The following WDPCP variants were observed in gnomAD, a reference collection of about 807,000 sequenced individuals.
WDPCP encodes the protein WD repeat-containing and planar cell polarity effector protein fritz homolog.
Under a neutral mutation model 93.1 loss-of-function variants are expected in WDPCP, and 71 were observed. The ratio of observed to expected loss-of-function variants is 0.76; its 90% confidence interval spans 0.63 to 0.93. WDPCP has a LOEUF of 0.93. Among genes scored for constraint, WDPCP ranks in the 40% least tolerant of loss-of-function variants. The pLI is 0.00. For synonymous variants in WDPCP, 315 were observed against 315.0 expected (o/e 1.00, Z 0.00); for missense variants, 844 against 887.4 (o/e 0.95, Z 0.62).
At chr2:63,703,565 G>GGTTTT (rs58378137) in intron 2 of WDPCP, among the ~76,000 whole-genome samples, 12,377 of 151,066 alleles carry the variant, frequency 0.082, 817 homozygotes, top group African/African-American at 0.18. Flanking sequence ...TTTTTGATGG[G>GGTTTT]GTTTTGTTTT....
intron 2 of WDPCP, among the ~76,000 whole-genome samples, chr2:63,682,610 A>C (rs1454697034): frequency 6.6e-6 from 1 of 152,154 alleles, no homozygotes; most frequent in Non-Finnish European, 1.5e-5. Flanking sequence ...AGAGATACAG[A>C]TAGAAAGTTT....
intron 17 of WDPCP, among the ~76,000 whole-genome samples, chr2:63,143,212 T>A (rs1416343880): frequency 6.6e-6 from 1 of 152,166 alleles, no homozygotes; most frequent in Non-Finnish European, 1.5e-5. Flanking sequence ...CTTTAAAATT[T>A]GTTTTGTCTG....
chr2:63,483,328 T>C (rs1484967324), intron 6 of WDPCP, among the ~76,000 whole-genome samples: 2 of 152,018 alleles, frequency 1.3e-5, no homozygotes, highest in Non-Finnish European at 2.9e-5. Context: ...TAAAGTCTGA[T>C]TGAAATGTAC....
At chr2:63,438,047 G>T in intron 7 of WDPCP, 1 of 1,240,894 alleles carries the variant, frequency 8.1e-7, no homozygotes, top group Non-Finnish European at 1.0e-6. Context: ...CAAGCTGGAT[G>T]AAATAAAGCA....
At chr2:63,686,432 T>C (rs867389394) in intron 2 of WDPCP, among the ~76,000 whole-genome samples, 1 of 152,154 alleles carries the variant, frequency 6.6e-6, no homozygotes, top group Non-Finnish European at 1.5e-5. Context: ...TGATTCTAGA[T>C]ATTGAAGAGA....
At chr2:63,564,249 C>T (rs1204166297) in intron 1 of WDPCP, 1 of 152,154 alleles carries the variant, frequency 6.6e-6, no homozygotes, top group Non-Finnish European at 1.5e-5. Flanking sequence ...TGACAGAAGC[C>T]AAGTTCAGCC....
intron 14 of WDPCP, among the ~76,000 whole-genome samples, chr2:63,234,622 C>T (rs931789327): frequency 2.0e-5 from 3 of 152,118 alleles, no homozygotes; most frequent in Admixed American, 6.6e-5. Flanking sequence ...AGACAATACA[C>T]AGGTGATAAA....
At chr2:63,348,860 G>A (rs559605823) in intron 12 of WDPCP, among the ~76,000 whole-genome samples, 1 of 152,298 alleles carries the variant, frequency 6.6e-6, no homozygotes, top group Admixed American at 6.5e-5. Flanking sequence ...GGAGAAAACT[G>A]TTAACAAGTG....
chr2:63,634,783 T>C (rs1228012766), intron 3 of WDPCP, among the ~76,000 whole-genome samples: 2 of 151,998 alleles, frequency 1.3e-5, no homozygotes, highest in African/African-American at 4.8e-5. Context: ...TACCAAAACT[T>C]ATGGAATGTA....
chr2:63,770,559 A>C (rs2103943968), intron 2 of WDPCP, among the ~76,000 whole-genome samples: 1 of 152,154 alleles, frequency 6.6e-6, no homozygotes, highest in East Asian at 1.9e-4. Context: ...CAAACAAACA[A>C]AAAAACAAAA....
intron 12 of WDPCP, among the ~76,000 whole-genome samples, chr2:63,353,158 A>C (rs565163008): frequency 1.3e-5 from 2 of 152,246 alleles, no homozygotes; most frequent in East Asian, 3.9e-4. Flanking sequence ...CCCTCAGGTC[A>C]AGAGATCTCT....
intron 6 of WDPCP, among the ~76,000 whole-genome samples, chr2:63,470,644 A>G (rs1165205048): frequency 6.6e-6 from 1 of 152,194 alleles, no homozygotes; most frequent in Non-Finnish European, 1.5e-5. Flanking sequence ...TATTCCCATC[A>G]ATAGCTACAG....
chr2:63,212,109 A>G (rs553455244), intron 14 of WDPCP, among the ~76,000 whole-genome samples: 6 of 152,300 alleles, frequency 3.9e-5, no homozygotes, highest in African/African-American at 9.6e-5. Context: ...AATTAAGGAA[A>G]TACAGAGAAC....
chr2:63,283,275 T>A (rs1683711324), intron 13 of WDPCP, among the ~76,000 whole-genome samples: 1 of 152,206 alleles, frequency 6.6e-6, no homozygotes, highest in Non-Finnish European at 1.5e-5. Flanking sequence ...AGGCCTGGGC[T>A]CAAGCAATCC....
chr2:63,684,443 G>C, intron 2 of WDPCP: 1 of 848,302 alleles, frequency 1.2e-6, no homozygotes, highest in Non-Finnish European at 2.0e-6. Flanking sequence ...GGCTGGAATT[G>C]ACTGCTACCC....
intron 1 of WDPCP, chr2:63,519,340 A>G (rs1253955097): frequency 1.3e-5 from 2 of 152,362 alleles, no homozygotes; most frequent in African/African-American, 2.4e-5. Context: ...CCCCATGCCA[A>G]TATCACCACT....
intron 17 of WDPCP, among the ~76,000 whole-genome samples, chr2:63,124,352 G>C (rs766951330): frequency 7.9e-5 from 12 of 151,744 alleles, no homozygotes; most frequent in African/African-American, 7.3e-5. Context: ...ATGAAACTAC[G>C]TGTTAATTCT....
intron 12 of WDPCP, among the ~76,000 whole-genome samples, chr2:63,346,640 G>A (rs7586871): frequency 6.6e-6 from 1 of 152,150 alleles, no homozygotes; most frequent in African/African-American, 2.4e-5. Context: ...CTCACTCTAT[G>A]AATGCATAGC....
intron 13 of WDPCP, among the ~76,000 whole-genome samples, chr2:63,304,534 G>A (rs1264534074): frequency 6.6e-6 from 1 of 152,134 alleles, no homozygotes; most frequent in Admixed American, 6.5e-5. Flanking sequence ...GTGCTGTGAG[G>A]GACTGTACCG....
Sources: gnomAD v4.1 joint callset for allele counts (sites outside exome capture counted in the v4.1 genomes callset) on GRCh38, gnomAD v4.1.1 for gene constraint, MANE v1.5 for transcripts, NCBI Gene and HGNC (gene_info 2026-07-23, HGNC 2026-07-21) for gene names.